The following RAPGEF1 variants were observed in gnomAD, a reference collection of about 807,000 sequenced individuals.
RAPGEF1 encodes the protein CRK SH3-binding GNRP.
In RAPGEF1, 33 loss-of-function variants were observed where a neutral mutation model predicts 143.3. That is an observed-to-expected ratio of 0.23 (90% CI 0.17 to 0.31). RAPGEF1 has a LOEUF of 0.31. RAPGEF1 is among the 10% of genes least tolerant of loss of function. The probability of loss-of-function intolerance (pLI) is 1.00; values close to 1 mark genes in which losing one functional copy is unlikely to be tolerated. For missense variants in RAPGEF1, 1,199 were observed against 1,645.4 expected, an observed-to-expected ratio of 0.73 and a Z score of 4.69; for synonymous variants, 629 against 676.5, an observed-to-expected ratio of 0.93 and a Z score of 1.09.
intron 1 of RAPGEF1, among the ~76,000 whole-genome samples, chr9:131,696,529 A>T (rs1834193475): frequency 6.6e-6 from 1 of 152,230 alleles, no homozygotes; most frequent in Non-Finnish European, 1.5e-5. Context: ...TTCAAGGCTA[A>T]TTCTTCCTCT....
intron 15 of RAPGEF1, among the ~76,000 whole-genome samples, chr9:131,600,401 A>G (rs964608258): frequency 3.9e-4 from 59 of 152,290 alleles, no homozygotes; most frequent in African/African-American, 1.4e-3. Flanking sequence ...TGCCCCAGGT[A>G]TTAACCTAGA....
Position 131,584,736 on chromosome 9 carries a change from C to T in RAPGEF1, c.3234-140G>A. On this transcript the variant is annotated intron_variant, in intron 22 of 26. Coordinates refer to ENST00000683357, the MANE Select transcript of RAPGEF1 (RefSeq NM_001377935.1). This position sits in a 1 kb window ranked among gnomAD's most constrained non-coding sequence, Gnocchi z 6.8. ...CCTACTGAATACCTGCAGCCTGCCC[C>T]AGGCATAGATCTAGTTTCTGCTCTC... 1.4e-6 allele frequency: 1 copy of T among 721,892 alleles called. No individual in the cohort carries two copies. Among genetic ancestry groups the T allele is most frequent in the Non-Finnish European group, 2.4e-6 (1 of 420,878 alleles). The allele number at this position is 721,892 out of a possible 1,614,324, so 44.7% of individuals were successfully genotyped here. A position where few individuals can be genotyped will look rare whatever the true frequency, so the allele number is the denominator to read the frequency against.
intron 22 of RAPGEF1, among the ~76,000 whole-genome samples, chr9:131,586,353 A>AAC (rs1275737322): frequency 6.0e-5 from 3 of 50,220 alleles, no homozygotes; most frequent in East Asian, 9.9e-4. Context: ...CTCCGTCTCA[A>AAC]ACACACACAC....
rs765361052 is a variant in RAPGEF1 at position 131,641,830 on chromosome 9, CCA to C, written c.494+1407_494+1408del. 2.0e-4 allele frequency among the ~76,000 whole-genome samples: 30 copies of C among 152,256 alleles called. No homozygotes were observed. The highest frequency in any genetic ancestry group is 3.2e-4 in the Non-Finnish European group (22 of 68,044). On this transcript the variant is annotated intron_variant, in intron 4 of 26. Transcript: ENST00000683357. This position sits in a 1 kb window ranked among gnomAD's most constrained non-coding sequence, Gnocchi z 4.6. ...CGCCAGCGAGCTTCTGGCCAAAAGA[CCA>C]CAGTCTCCACGCGTCAGCTGAAACT...
chr9:131,620,204 A>T (rs1330125781), intron 11 of RAPGEF1, among the ~76,000 whole-genome samples: 1 of 152,082 alleles, frequency 6.6e-6, no homozygotes, highest in Non-Finnish European at 1.5e-5. Flanking sequence ...TGGACTCCAC[A>T]GTATGGAGAA....
At chr9:131,581,820 C>A (rs1185400492) in intron 25 of RAPGEF1, among the ~76,000 whole-genome samples, 1 of 152,180 alleles carries the variant, frequency 6.6e-6, no homozygotes, top group Non-Finnish European at 1.5e-5. Flanking sequence ...GAGAACTCAG[C>A]TTGAGGGAGC....
At chr9:131,735,865 G>C (rs543854808) in intron 1 of RAPGEF1, among the ~76,000 whole-genome samples, 2 of 152,154 alleles carry the variant, frequency 1.3e-5, no homozygotes, top group Non-Finnish European at 2.9e-5. Flanking sequence ...AGATTTTTGA[G>C]TGACTTCCTG....
chr9:131,666,075 C>A (rs189034925), intron 1 of RAPGEF1, among the ~76,000 whole-genome samples: 1 of 152,316 alleles, frequency 6.6e-6, no homozygotes, highest in Non-Finnish European at 1.5e-5. Context: ...AACCCTGTAA[C>A]AACCAACAGC....
At position 131,737,517 on chromosome 9, in the gene RAPGEF1, A is replaced by G. The variant is rs1837497178; in HGVS notation, c.61+2253T>C. On this transcript the variant is annotated intron_variant, in intron 1 of 26. Coordinates refer to ENST00000683357, the MANE Select transcript of RAPGEF1 (RefSeq NM_001377935.1). ...GCACTTTCATCTACAACCCCCTAGC[A>G]GAAGGCGGTGCCCAGAAAAGGCCCA... The G allele has an allele frequency of 3.7e-6, 6 of 1,612,598 alleles. No homozygotes were observed. The Admixed American group carries it at 1.0e-4, about 27-fold the overall frequency.
At chr9:131,678,339 G>A (rs1832613642) in intron 1 of RAPGEF1, among the ~76,000 whole-genome samples, 3 of 152,212 alleles carry the variant, frequency 2.0e-5, no homozygotes. Flanking sequence ...CAACATTCTA[G>A]AAGGAATTTC....
rs1230767784 is a variant in RAPGEF1, at chr9:131,667,219, A to C, written c.62-16270T>G. On this transcript the variant is annotated intron_variant, in intron 1 of 26. Transcript: ENST00000683357. This position sits in a 1 kb window ranked among gnomAD's most constrained non-coding sequence, Gnocchi z 4.6. ...TGGTCAGGCTGGTATCAAACTCCTGACCTCCAGTGATCTGCCTGCCTCGGC... is the reference window on the plus strand; with the variant it reads ...TGGTCAGGCTGGTATCAAACTCCTGCCCTCCAGTGATCTGCCTGCCTCGGC... 6.6e-6 allele frequency among the ~76,000 whole-genome samples: 1 copy of C among 151,922 alleles called. No individual in the cohort carries two copies. Among genetic ancestry groups the C allele is most frequent in the Non-Finnish European group, 1.5e-5 (1 of 67,986 alleles).
At chr9:131,661,045 C>T (rs1033904567) in intron 1 of RAPGEF1, among the ~76,000 whole-genome samples, 7 of 152,214 alleles carry the variant, frequency 4.6e-5, no homozygotes, top group African/African-American at 1.4e-4. Flanking sequence ...ACAGGGAACA[C>T]TATCGGTGTT....
chr9:131,682,428 G>A (rs1832992213), intron 1 of RAPGEF1, among the ~76,000 whole-genome samples: 1 of 152,202 alleles, frequency 6.6e-6, no homozygotes, highest in African/African-American at 2.4e-5. Context: ...CACAAAAGCT[G>A]TGAGCCTTCT....
chr9:131,727,601 G>C (rs1440200438), intron 1 of RAPGEF1, among the ~76,000 whole-genome samples: 1 of 152,144 alleles, frequency 6.6e-6, no homozygotes, highest in Non-Finnish European at 1.5e-5. Flanking sequence ...CGCTCCCCAT[G>C]ACTTTAGCCT....
At chr9:131,598,407 C>A in intron 15 of RAPGEF1, 97 bp from the exon 16 acceptor site, 1 of 970,722 alleles carries the variant, frequency 1.0e-6, no homozygotes. Context: ...CTCGAAACCG[C>A]TCCCGGAACA....
At chr9:131,582,548 C>G (rs1490714772) in intron 25 of RAPGEF1, 57 bp downstream of exon 25, 14 of 1,262,844 alleles carry the variant, frequency 1.1e-5, no homozygotes, top group Non-Finnish European at 1.4e-5. Context: ...AGATCTTCCC[C>G]AGAGCAATGG....
At chr9:131,598,162 G>C (rs777912304) in intron 16 of RAPGEF1, 37 bp downstream of exon 16, 1 of 1,560,556 alleles carries the variant, frequency 6.4e-7, no homozygotes, top group Non-Finnish European at 8.8e-7. Flanking sequence ...TCCTCTGTGG[G>C]GCCAGGCTGC....
intron 1 of RAPGEF1, among the ~76,000 whole-genome samples, chr9:131,654,589 C>T (rs1971970838): frequency 1.3e-5 from 2 of 152,168 alleles, no homozygotes; most frequent in South Asian, 4.1e-4. Flanking sequence ...GTAGTCCCAG[C>T]TACTCAGGAG....
chr9:131,737,727 G>A (rs190000783), intron 1 of RAPGEF1, among the ~76,000 whole-genome samples: 1 of 152,132 alleles, frequency 6.6e-6, no homozygotes, highest in Non-Finnish European at 1.5e-5. Context: ...CACTTTGGGA[G>A]GCCGAGGTGG....
Sources: allele counts gnomAD v4.1 joint callset (sites outside exome capture counted in the v4.1 genomes callset), GRCh38; gene constraint gnomAD v4.1.1; non-coding constraint Gnocchi (gnomAD v3.1); transcripts MANE v1.5; gene names NCBI Gene and HGNC (gene_info 2026-07-23, HGNC 2026-07-21).